The following KIF13A variants were observed in gnomAD, a reference collection of about 807,000 sequenced individuals.
The protein encoded by KIF13A is kinesin-like protein KIF13A.
KIF13A carries 79 observed loss-of-function variants against 212.2 expected under a neutral mutation model. The ratio of observed to expected loss-of-function variants is 0.37; its 90% CI spans 0.31 to 0.45. The LOEUF (loss-of-function observed/expected upper bound fraction) is 0.45, where lower values mean the gene tolerates loss of function less well. Ranked by LOEUF, KIF13A falls within the 20% of genes least tolerant of loss-of-function variation. KIF13A has a pLI of 1.00. For synonymous variants in KIF13A, 789 were observed against 808.6 expected, an observed-to-expected ratio of 0.98 and a Z score of 0.41; for missense variants, 1,901 against 2,209.0, an observed-to-expected ratio of 0.86 and a Z score of 2.79.
At chr6:17,910,861 C>T (rs900246359) in intron 2 of KIF13A, among the ~76,000 whole-genome samples, 3 of 152,202 alleles carry the variant, frequency 2.0e-5, no homozygotes, top group Non-Finnish European at 4.4e-5. Flanking sequence ...CTCCTGGGTT[C>T]ATGCCATTCT....
chr6:17,809,283 G>C lies in KIF13A; in HGVS notation c.2001-353C>G, dbSNP rs1581375022. Reference sequence around the variant, plus strand: ...TGTGCTGAGGGAGGGTGGTGGGGCAGGGAGGGGTTGGCAGATGAGAGAAAC... The same window carrying C: ...TGTGCTGAGGGAGGGTGGTGGGGCACGGAGGGGTTGGCAGATGAGAGAAAC... On this transcript the variant is annotated intron_variant, in intron 17 of 38. Coordinates refer to ENST00000259711, the MANE Select transcript of KIF13A (RefSeq NM_022113.6). The surrounding 1 kb of genome is among the most constrained non-coding windows in gnomAD (Gnocchi z 4.7). Among the ~76,000 whole-genome samples, 3 of 152,314 alleles carry C rather than the reference G, an allele frequency of 2.0e-5. No homozygotes were observed. Among genetic ancestry groups the C allele is most frequent in the African/African-American group, 7.2e-5 (3 of 41,560 alleles).
rs973091753 is a variant in KIF13A at position 17,831,331 on chromosome 6, A to G, written c.1267-96T>C. The G allele has an allele frequency of 2.2e-6, 3 of 1,363,914 alleles. No homozygotes were observed. In the South Asian group the frequency reaches 4.1e-5, roughly 19 times the overall value. 84.5% of individuals were successfully genotyped at this position (1,363,914 alleles called of 1,614,324 possible). ...GAGTAAGTCACTGTTTCTGGGGACA[A>G]TGCCAATGGGATTACACATGCTACT... is the stretch of plus-strand genomic sequence containing the variant. On this transcript the variant is annotated intron_variant, in intron 12 of 38. Transcript: ENST00000259711.
In KIF13A at chr6:17,809,064, C is replaced by T. The variant is rs1290135061; in HGVS notation, c.2001-134G>A. On this transcript the variant is annotated intron_variant, in intron 17 of 38. Transcript: ENST00000259711. This position sits in a 1 kb window ranked among gnomAD's most constrained non-coding sequence, Gnocchi z 4.7. ...TTTTCAAACTATTTTACCAGACTAC[C>T]TCTCATCCTTCCCTCCTGCCCACAG... 2 of 806,924 alleles carry T rather than the reference C, an allele frequency of 2.5e-6. No homozygotes were observed. Among genetic ancestry groups the T allele is most frequent in the African/African-American group, 1.8e-5 (1 of 57,034 alleles). The allele number at this position is 806,924 out of a possible 1,614,324, so 50.0% of individuals were successfully genotyped here. A position where few individuals can be genotyped will look rare whatever the true frequency, so the allele number is the denominator to read the frequency against.
chr6:17,905,519 TA>T (rs1773418076), intron 2 of KIF13A, among the ~76,000 whole-genome samples: 3 of 152,182 alleles, frequency 2.0e-5, no homozygotes, highest in Non-Finnish European at 4.4e-5. Context: ...GATACAAAAA[TA>T]AATTAGTCTT....
rs1759657928 is a variant in KIF13A, at chr6:17,773,344, A to C, written c.4324+134T>G. 2.0e-6 allele frequency: 1 copy of C among 506,064 alleles called. No homozygotes were observed. The allele number at this position is 506,064 out of a possible 1,614,324, so 31.3% of individuals were successfully genotyped here. On this transcript the variant is annotated intron_variant, in intron 36 of 38. Transcript: ENST00000259711. This position sits in a 1 kb window ranked among gnomAD's most constrained non-coding sequence, Gnocchi z 4.2. Reference sequence around the variant, plus strand: ...GTGAATGTTATATGTTACATTCAATAACAGTTTTGTATCATCTAGTTAACT... The same window carrying C: ...GTGAATGTTATATGTTACATTCAATCACAGTTTTGTATCATCTAGTTAACT...
intron 12 of KIF13A, among the ~76,000 whole-genome samples, chr6:17,833,502 A>C (rs1765644596): frequency 1.2e-5 from 1 of 81,396 alleles, no homozygotes; most frequent in African/African-American, 4.2e-5. Context: ...GTCTTCAAAA[A>C]AAAAAAAAAA....
At chr6:17,832,077 T>C (rs940679033) in intron 12 of KIF13A, among the ~76,000 whole-genome samples, 1 of 152,014 alleles carries the variant, frequency 6.6e-6, no homozygotes, top group Non-Finnish European at 1.5e-5. Flanking sequence ...GGGGTATGTG[T>C]GGGTGTGAAC....
intron 2 of KIF13A, among the ~76,000 whole-genome samples, chr6:17,909,964 A>G (rs1325145839): frequency 1.3e-5 from 2 of 152,250 alleles, no homozygotes; most frequent in Non-Finnish European, 2.9e-5. Context: ...GGACACATTT[A>G]TAAGAACTAA....
At chr6:17,821,801 T>G in intron 16 of KIF13A, 4 of 1,535,352 alleles carry the variant, frequency 2.6e-6, no homozygotes, top group Non-Finnish European at 3.5e-6. Flanking sequence ...TCCCAGTGTT[T>G]GTGGAGGAGC....
Position 17,785,388 on chromosome 6 carries a change from A to G in KIF13A, c.3488+127T>C. On this transcript the variant is annotated intron_variant, in intron 28 of 38. Coordinates refer to ENST00000259711, the MANE Select transcript of KIF13A (RefSeq NM_022113.6). This position sits in a 1 kb window ranked among gnomAD's most constrained non-coding sequence, Gnocchi z 5.8. ...GGATGGAAGCATTAGAGATGAGTGG[A>G]CATTCCCTAAGTAGTTCAGCTGGTT... The G allele has an allele frequency of 9.5e-7, 1 of 1,051,346 alleles. No individual in the cohort carries two copies. The highest frequency in any genetic ancestry group is 1.3e-6 in the Non-Finnish European group (1 of 761,796). 65.1% of individuals were successfully genotyped at this position (1,051,346 alleles called of 1,614,324 possible).
At chr6:17,815,619 G>A in intron 17 of KIF13A, 1 of 439,692 alleles carries the variant, frequency 2.3e-6, no homozygotes, top group Non-Finnish European at 4.6e-6. Flanking sequence ...CTGTATGGCT[G>A]GTTTTTCCCA....
chr6:17,802,894 T>G (rs1762583589), intron 20 of KIF13A, among the ~76,000 whole-genome samples: 1 of 151,262 alleles, frequency 6.6e-6, no homozygotes, highest in African/African-American at 2.4e-5. Context: ...CTATAGGTGC[T>G]CATCACCATG....
Position 17,926,561 on chromosome 6 carries a change from G to C in KIF13A, c.147-28381C>G, listed in dbSNP as rs1013384077. Among the ~76,000 whole-genome samples, 2 of 152,008 alleles carry C rather than the reference G, an allele frequency of 1.3e-5. No individual in the cohort carries two copies. Among genetic ancestry groups the C allele is most frequent in the Non-Finnish European group, 2.9e-5 (2 of 67,996 alleles). On this transcript the variant is annotated intron_variant, in intron 2 of 38. Transcript: ENST00000259711. This position sits in a 1 kb window ranked among gnomAD's most constrained non-coding sequence, Gnocchi z 4.3. The stretch of plus-strand genomic sequence containing the variant: ...GTACGTTTCTTTAAAACACATGTAG[G>C]AGGTTTTTCTGATATTTAGAACAAA...
At position 17,984,527 on chromosome 6, in the gene KIF13A, TAC is replaced by T; in HGVS notation, c.146+2525_146+2526del. On this transcript the variant is annotated intron_variant, in intron 2 of 38. Coordinates refer to ENST00000259711, the MANE Select transcript of KIF13A (RefSeq NM_022113.6). This position sits in a 1 kb window ranked among gnomAD's most constrained non-coding sequence, Gnocchi z 5.0. ...GATCCTCTGATCTTTTAGTCCTAGCTACACAGTCTTGGCTTTGGTTTTGTAAA... is the reference window on the plus strand; with the variant it reads ...GATCCTCTGATCTTTTAGTCCTAGCTACAGTCTTGGCTTTGGTTTTGTAAA... 1 of 985,088 alleles carries T rather than the reference TAC, an allele frequency of 1.0e-6. No individual in the cohort carries two copies. The highest frequency in any genetic ancestry group is 1.2e-6 in the Non-Finnish European group (1 of 829,824). The allele number at this position is 985,088 out of a possible 1,614,324, so 61.0% of individuals were successfully genotyped here. A position where few individuals can be genotyped will look rare whatever the true frequency, so the allele number is the denominator to read the frequency against.
chr6:17,987,341 C>G lies in KIF13A; in HGVS notation c.55+68G>C. On this transcript the variant is annotated intron_variant, in intron 1 of 38. Coordinates refer to ENST00000259711, the MANE Select transcript of KIF13A (RefSeq NM_022113.6). This position sits in a 1 kb window ranked among gnomAD's most constrained non-coding sequence, Gnocchi z 7.7. ...CGGCCGCGCTCTCGCCGTCCCGGCC[C>G]CGCAGTTTCTAAAGTTGCCCCCGCC... 1 of 1,165,546 alleles carries G rather than the reference C, an allele frequency of 8.6e-7. No individual in the cohort carries two copies. The highest frequency in any genetic ancestry group is 1.6e-5 in the African/African-American group (1 of 60,628). The allele number at this position is 1,165,546 out of a possible 1,614,324, so 72.2% of individuals were successfully genotyped here. A position where few individuals can be genotyped will look rare whatever the true frequency, so the allele number is the denominator to read the frequency against.
At position 17,787,941 on chromosome 6, in the gene KIF13A, T is replaced by C; in HGVS notation, c.3262-66A>G. The C allele has an allele frequency of 1.1e-6, 1 of 921,486 alleles. No individual in the cohort carries two copies. Among genetic ancestry groups the C allele is most frequent in the Non-Finnish European group, 1.7e-6 (1 of 572,416 alleles). 57.1% of individuals were successfully genotyped at this position (921,486 alleles called of 1,614,324 possible). ...AGACAACGATTTCTTTCTTTCTTTT[T>C]TTAAAAGATGTTTAAATCAACTAGG... On this transcript the variant is annotated intron_variant, in intron 26 of 38. Transcript: ENST00000259711. This position sits in a 1 kb window ranked among gnomAD's most constrained non-coding sequence, Gnocchi z 4.6.
rs753029689 is a variant in KIF13A, at chr6:17,851,907, TTTGA to T, written c.582+44_582+47del. On this transcript the variant is annotated intron_variant, in intron 7 of 38. Transcript: ENST00000259711. ...AATATACTCAGTATCACTTACATAC[TTTGA>T]TTTATAGTCAGCTTTTAATCACATT... 4 of 1,011,906 alleles carry T rather than the reference TTTGA, an allele frequency of 4.0e-6. No individual in the cohort carries two copies. In the East Asian group the frequency reaches 8.6e-5, roughly 22 times the overall value. 62.7% of individuals were successfully genotyped at this position (1,011,906 alleles called of 1,614,324 possible).
rs775110782 is a variant in KIF13A at position 17,794,227 on chromosome 6, ATTTTAAGTCTGCT to A, written c.3222+9_3222+21del. The A allele has an allele frequency of 6.3e-7, 1 of 1,596,766 alleles. No homozygotes were observed. Among genetic ancestry groups the A allele is most frequent in the Non-Finnish European group, 8.6e-7 (1 of 1,166,982 alleles). On this transcript the variant is annotated intron_variant, in intron 25 of 38. Transcript: ENST00000259711. This position sits in a 1 kb window ranked among gnomAD's most constrained non-coding sequence, Gnocchi z 4.1. ...CATTAACCAAGCTTTGTTAAATACT[ATTTTAAGTCTGCT>A]TGTCTTACCTGGTAACTGTCCAGCC...
chr6:17,780,722 G>T lies in KIF13A; in HGVS notation c.3846+8C>A, dbSNP rs569196409. 6.2e-7 allele frequency: 1 copy of T among 1,612,264 alleles called. No homozygotes were observed. The highest frequency in any genetic ancestry group is 1.7e-5 in the Admixed American group (1 of 59,982). ...AGCCAGAATGGCACAATCAGGCCCCGTTATTACCTGTTTGTTGTAAATATT... is the reference window on the plus strand; with the variant it reads ...AGCCAGAATGGCACAATCAGGCCCCTTTATTACCTGTTTGTTGTAAATATT... On this transcript the variant is annotated splice_region_variant and intron_variant, in intron 31 of 38. Coordinates refer to ENST00000259711, the MANE Select transcript of KIF13A (RefSeq NM_022113.6).
Sources: gnomAD v4.1 joint callset for allele counts (sites outside exome capture counted in the v4.1 genomes callset) on GRCh38, gnomAD v4.1.1 for gene constraint, Gnocchi (gnomAD v3.1) non-coding constraint, MANE v1.5 for transcripts, NCBI Gene and HGNC (gene_info 2026-07-23, HGNC 2026-07-21) for gene names.